SPAG16: variants seen among roughly 807,000 people sequenced by gnomAD.
SPAG16 encodes sperm associated antigen 16.
In SPAG16, 86 loss-of-function variants were observed where a neutral mutation model predicts 80.4. The observed-to-expected ratio is 1.07, with a 90% CI of 0.90 to 1.28. The LOEUF is 1.28. SPAG16 is among the 50% of genes most tolerant of loss of function. The pLI is 0.00. For missense variants in SPAG16, 870 were observed against 765.3 expected (o/e 1.14, Z -1.61); for synonymous variants, 294 against 265.9 (o/e 1.11, Z -1.03).
At position 213,930,146 on chromosome 2, in the gene SPAG16, G is replaced by A; in HGVS notation, c.1400+1G>A. 6.2e-7 allele frequency: 1 copy of A among 1,611,680 alleles called. No individual in the cohort carries two copies. Among genetic ancestry groups the A allele is most frequent in the Non-Finnish European group, 8.5e-7 (1 of 1,178,520 alleles). On this transcript the variant is annotated splice_donor_variant, in intron 12 of 15. Transcript: ENST00000331683. LOFTEE classifies it high-confidence loss of function. ...CTAGCAAAATTTGGGATGTTAATAG[G>A]TAAGAAGTACTTTAAACATTACTAA...
chr2:214,086,570 C>G (rs118172125), intron 13 of SPAG16, among the ~76,000 whole-genome samples: 3,700 of 152,156 alleles, frequency 0.024, 100 homozygotes, highest in South Asian at 0.13. Flanking sequence ...TCCCTTATTC[C>G]CTCTCTTGCT....
intron 15 of SPAG16, among the ~76,000 whole-genome samples, chr2:214,400,102 T>C (rs4286276): frequency 0.23 from 35,418 of 152,036 alleles, 5,933 homozygotes; most frequent in African/African-American, 0.47. Context: ...AGGTAGCCCA[T>C]GTAGGAAAGC....
At chr2:213,603,947 A>C (rs998293506) in intron 10 of SPAG16, among the ~76,000 whole-genome samples, 2 of 148,612 alleles carry the variant, frequency 1.3e-5, no homozygotes, top group Non-Finnish European at 3.0e-5. Context: ...TTTTTGAGAT[A>C]GAGTCTCACT....
chr2:214,056,240 A>C (rs1211451492), intron 13 of SPAG16, among the ~76,000 whole-genome samples: 1 of 151,668 alleles, frequency 6.6e-6, no homozygotes, highest in Non-Finnish European at 1.5e-5. Context: ...TGGTTAATCA[A>C]AATGTCTTGA....
At chr2:213,296,763 A>G (rs1009109264) in intron 2 of SPAG16, among the ~76,000 whole-genome samples, 1 of 152,212 alleles carries the variant, frequency 6.6e-6, no homozygotes, top group African/African-American at 2.4e-5. Context: ...AATAAATGTA[A>G]AAGGCCTAAA....
intron 15 of SPAG16, among the ~76,000 whole-genome samples, chr2:214,168,921 A>C (rs1403682292): frequency 6.6e-6 from 1 of 152,138 alleles, no homozygotes; most frequent in Non-Finnish European, 1.5e-5. Context: ...TTGTTACTTC[A>C]AATGCAGCTA....
chr2:214,148,577 A>G (rs2125564409), intron 14 of SPAG16, among the ~76,000 whole-genome samples: 2 of 152,182 alleles, frequency 1.3e-5, no homozygotes, highest in East Asian at 3.8e-4. Flanking sequence ...GGTCCCTGTC[A>G]TTCTACCTGC....
intron 15 of SPAG16, chr2:214,250,093 C>T (rs1441986089): frequency 2.0e-5 from 3 of 152,112 alleles, no homozygotes; most frequent in Admixed American, 2.0e-4. Context: ...TCTTAAGTGC[C>T]TCAGACCAGC....
intron 9 of SPAG16, among the ~76,000 whole-genome samples, chr2:213,413,517 CAT>C (rs2125405045): frequency 6.6e-6 from 1 of 152,150 alleles, no homozygotes; most frequent in African/African-American, 2.4e-5. Context: ...TTAAAACTGT[CAT>C]ATGAAATTTA....
chr2:213,786,356 A>G (rs2070343651), intron 10 of SPAG16, among the ~76,000 whole-genome samples: 1 of 152,200 alleles, frequency 6.6e-6, no homozygotes, highest in African/African-American at 2.4e-5. Context: ...TAAAGGCTGA[A>G]CATCAAATTA....
At chr2:213,324,602 C>G (rs933404483) in intron 5 of SPAG16, among the ~76,000 whole-genome samples, 1 of 152,080 alleles carries the variant, frequency 6.6e-6, no homozygotes, top group East Asian at 1.9e-4. Context: ...CTCTTTATTG[C>G]TAAGTAGTAT....
At chr2:214,339,207 G>A (rs1292003877) in intron 15 of SPAG16, among the ~76,000 whole-genome samples, 3 of 152,090 alleles carry the variant, frequency 2.0e-5, no homozygotes, top group Admixed American at 6.5e-5. Flanking sequence ...GCTCAGAGGT[G>A]ACTGAGTTAC....
intron 9 of SPAG16, among the ~76,000 whole-genome samples, chr2:213,451,035 A>G (rs1270894665): frequency 1.3e-5 from 2 of 152,200 alleles, no homozygotes; most frequent in Admixed American, 1.3e-4. Flanking sequence ...GTAATTAGGC[A>G]TAATATGAAT....
intron 15 of SPAG16, among the ~76,000 whole-genome samples, chr2:214,158,444 A>G (rs2056306575): frequency 6.6e-6 from 1 of 152,020 alleles, no homozygotes; most frequent in Non-Finnish European, 1.5e-5. Flanking sequence ...ATTCTCGCAT[A>G]CCTCACAACA....
intron 10 of SPAG16, among the ~76,000 whole-genome samples, chr2:213,698,773 C>A (rs2065268458): frequency 6.6e-6 from 1 of 152,180 alleles, no homozygotes; most frequent in African/African-American, 2.4e-5. Context: ...TCATGTCCGA[C>A]TGCAGTGATT....
intron 12 of SPAG16, among the ~76,000 whole-genome samples, chr2:213,954,627 C>T (rs112636315): frequency 2.6e-5 from 4 of 152,156 alleles, no homozygotes; most frequent in African/African-American, 9.6e-5. Flanking sequence ...TTAAGCCCTG[C>T]ATACATTAGG....
At chr2:213,593,746 C>CATT (rs2060786870) in intron 10 of SPAG16, among the ~76,000 whole-genome samples, 1 of 50,136 alleles carries the variant, frequency 2.0e-5, no homozygotes, top group Non-Finnish European at 5.0e-5. Context: ...CCCACCACAT[C>CATT]TTTTTTTTTT....
chr2:214,364,911 A>G (rs1472162030), intron 15 of SPAG16, among the ~76,000 whole-genome samples: 1 of 152,164 alleles, frequency 6.6e-6, no homozygotes, highest in African/African-American at 2.4e-5. Flanking sequence ...AGCTTTAGGA[A>G]GTTATTCAGA....
At chr2:213,977,468 A>C (rs557545779) in intron 12 of SPAG16, among the ~76,000 whole-genome samples, 7 of 152,154 alleles carry the variant, frequency 4.6e-5, no homozygotes, top group African/African-American at 1.2e-4. Flanking sequence ...GGCAGACAAC[A>C]GAGGATAATA....
Sources: allele counts gnomAD v4.1 joint callset (sites outside exome capture counted in the v4.1 genomes callset), GRCh38; gene constraint gnomAD v4.1.1; transcripts MANE v1.5; gene names NCBI Gene and HGNC (gene_info 2026-07-23, HGNC 2026-07-21).